AFG1L: variants seen among roughly 807,000 people sequenced by gnomAD.
AFG1L encodes the protein AFG1 like ATPase, also known as AFG1-like ATPase.
In AFG1L, 53 loss-of-function variants were observed where a neutral mutation model predicts 62.2. The ratio of observed to expected loss-of-function variants is 0.85; its 90% CI spans 0.68 to 1.07. The LOEUF is 1.07. Ranked by LOEUF, AFG1L falls within the 50% of genes least tolerant of loss-of-function variation. AFG1L has a pLI of 0.00. For synonymous variants in AFG1L, 228 were observed against 210.3 expected, an observed-to-expected ratio of 1.08 and a Z score of -0.73; for missense variants, 555 against 590.5, an observed-to-expected ratio of 0.94 and a Z score of 0.62.
At chr6:108,517,768 A>G (rs1269230549) in intron 11 of AFG1L, among the ~76,000 whole-genome samples, 1 of 152,250 alleles carries the variant, frequency 6.6e-6, no homozygotes, top group Non-Finnish European at 1.5e-5. Context: ...ACAAAGGGCT[A>G]ATATCCAGAA....
chr6:108,298,397 C>T (rs1239466573), intron 1 of AFG1L, among the ~76,000 whole-genome samples: 1 of 151,380 alleles, frequency 6.6e-6, no homozygotes, highest in African/African-American at 2.4e-5. Flanking sequence ...TCCTGAGTAG[C>T]TGGAATTACA....
chr6:108,504,405 TGGG>T (rs555610297), intron 10 of AFG1L, among the ~76,000 whole-genome samples: 77 of 152,276 alleles, frequency 5.1e-4, no homozygotes, highest in African/African-American at 1.7e-3. Context: ...GGGAGAAAGA[TGGG>T]GGAACAGCCA....
At chr6:108,407,186 G>A (rs1781895468) in intron 7 of AFG1L, among the ~76,000 whole-genome samples, 1 of 152,046 alleles carries the variant, frequency 6.6e-6, no homozygotes, top group African/African-American at 2.4e-5. Context: ...TTGCCGGCAT[G>A]GTTGGGGAGG....
intron 6 of AFG1L, among the ~76,000 whole-genome samples, chr6:108,371,108 C>T (rs1415113304): frequency 1.3e-5 from 2 of 152,156 alleles, no homozygotes; most frequent in African/African-American, 2.4e-5. Context: ...TCCAAGGCCT[C>T]ACCCTCTGTA....
chr6:108,470,613 A>G (rs1772847441), intron 8 of AFG1L, among the ~76,000 whole-genome samples: 1 of 152,172 alleles, frequency 6.6e-6, no homozygotes, highest in Non-Finnish European at 1.5e-5. Context: ...ATCCAAATGT[A>G]CTTAACCAAA....
At chr6:108,299,148 C>G (rs1352034667) in intron 1 of AFG1L, among the ~76,000 whole-genome samples, 3 of 151,984 alleles carry the variant, frequency 2.0e-5, no homozygotes, top group Non-Finnish European at 4.4e-5. Context: ...GTAATCCCAG[C>G]TACTTGGGAG....
chr6:108,515,241 T>C (rs1308209181), intron 11 of AFG1L, among the ~76,000 whole-genome samples: 4 of 152,174 alleles, frequency 2.6e-5, no homozygotes, highest in Non-Finnish European at 4.4e-5. Flanking sequence ...GACCACATAG[T>C]TGGAAGTAAA....
intron 5 of AFG1L, among the ~76,000 whole-genome samples, chr6:108,360,706 G>A (rs1185501124): frequency 6.6e-6 from 1 of 151,988 alleles, no homozygotes; most frequent in Non-Finnish European, 1.5e-5. Flanking sequence ...CCCCCTAAGG[G>A]AAGAAGTGAT....
chr6:108,393,580 T>C (rs1781153576), intron 6 of AFG1L, among the ~76,000 whole-genome samples: 1 of 152,162 alleles, frequency 6.6e-6, no homozygotes, highest in African/African-American at 2.4e-5. Context: ...TGGAAATCTT[T>C]TAATCAAGAA....
At chr6:108,399,107 T>G (rs1781439439) in intron 6 of AFG1L, among the ~76,000 whole-genome samples, 1 of 151,980 alleles carries the variant, frequency 6.6e-6, no homozygotes, top group Non-Finnish European at 1.5e-5. Flanking sequence ...TTTTTGTGTT[T>G]GTGCCCTCTT....
intron 5 of AFG1L, among the ~76,000 whole-genome samples, chr6:108,358,921 A>C (rs1291775059): frequency 6.6e-6 from 1 of 152,242 alleles, no homozygotes; most frequent in African/African-American, 2.4e-5. Flanking sequence ...TGCAAAGCAC[A>C]TGATCCTGAA....
chr6:108,323,753 C>T (rs983942910), intron 1 of AFG1L, 72 bp from the exon 2 acceptor site: 6 of 1,074,390 alleles, frequency 5.6e-6, no homozygotes, highest in Non-Finnish European at 6.9e-6. Context: ...TTGAATTTGA[C>T]CCTTAAGAAA....
At chr6:108,412,522 T>C (rs1011058931) in intron 7 of AFG1L, among the ~76,000 whole-genome samples, 4 of 152,182 alleles carry the variant, frequency 2.6e-5, no homozygotes, top group African/African-American at 4.8e-5. Context: ...AGAGAAAGGT[T>C]GGGTTACCCA....
chr6:108,321,246 C>T (rs1383060873), intron 1 of AFG1L, among the ~76,000 whole-genome samples: 2 of 152,160 alleles, frequency 1.3e-5, no homozygotes, highest in Non-Finnish European at 2.9e-5. Flanking sequence ...GAATAGCTCA[C>T]AGAACTCAGG....
chr6:108,429,718 A>G (rs1770987696), intron 7 of AFG1L, among the ~76,000 whole-genome samples: 1 of 152,094 alleles, frequency 6.6e-6, no homozygotes, highest in Non-Finnish European at 1.5e-5. Context: ...TGATACCCCC[A>G]GATTTGTTCT....
At chr6:108,414,855 T>C (rs966394899) in intron 7 of AFG1L, among the ~76,000 whole-genome samples, 10 of 152,266 alleles carry the variant, frequency 6.6e-5, no homozygotes, top group African/African-American at 2.2e-4. Flanking sequence ...CTTTGAAAAC[T>C]GGCACAAGAC....
At chr6:108,300,395 G>A (rs1471837817) in intron 1 of AFG1L, among the ~76,000 whole-genome samples, 2 of 152,090 alleles carry the variant, frequency 1.3e-5, no homozygotes, top group Non-Finnish European at 2.9e-5. Flanking sequence ...CAGGTGATCT[G>A]CCCAACTTGG....
chr6:108,484,751 G>T (rs945501149), intron 10 of AFG1L, among the ~76,000 whole-genome samples: 2 of 152,142 alleles, frequency 1.3e-5, no homozygotes, highest in African/African-American at 4.8e-5. Context: ...ATTTTAAAAA[G>T]TAAGATGTAC....
intron 1 of AFG1L, among the ~76,000 whole-genome samples, chr6:108,311,350 C>G (rs1777399235): frequency 6.6e-6 from 1 of 152,120 alleles, no homozygotes; most frequent in Admixed American, 6.6e-5. Flanking sequence ...ACATCATTTC[C>G]TCTGAGTACC....
Sources: allele counts gnomAD v4.1 joint callset (sites outside exome capture counted in the v4.1 genomes callset), GRCh38; gene constraint gnomAD v4.1.1; transcripts MANE v1.5; gene names NCBI Gene and HGNC (gene_info 2026-07-23, HGNC 2026-07-21).